The following TTC34 variants were observed in gnomAD, a reference collection of about 807,000 sequenced individuals.
The protein encoded by TTC34 is tetratricopeptide repeat protein 34.
Under a neutral mutation model 40.7 loss-of-function variants are expected in TTC34, and 44 were observed. The observed-to-expected ratio is 1.08, with a 90% CI of 0.85 to 1.39. The LOEUF (loss-of-function observed/expected upper bound fraction) is 1.39. Among genes scored for constraint, TTC34 ranks in the 40% most tolerant of loss-of-function variants. The pLI, the probability that TTC34 is intolerant of heterozygous loss-of-function variation, is 0.00. For missense variants in TTC34, 884 were observed against 838.0 expected (o/e 1.05, Z -0.68); for synonymous variants, 422 against 398.6 (o/e 1.06, Z -0.70).
rs1473962568 is a variant in TTC34 at position 2,749,413 on chromosome 1, C to T, written c.2226+34196G>A. ...GAACAGCACCCTGCACCCCCAGGTG[C>T]GCACGTGACAGCCTGGAACAGCACC... On this transcript the variant is annotated intron_variant, in intron 6 of 8. Transcript: ENST00000401095. Among the ~76,000 whole-genome samples the T allele has an allele frequency of 1.5e-3, 75 of 50,632 alleles. 1 individual carries two copies. Among genetic ancestry groups the T allele is most frequent in the Middle Eastern group, 0.019 (1 of 54 alleles). 33.2% of individuals were successfully genotyped at this position (50,632 alleles called of 152,430 possible).
At chr1:2,641,172 G>A (rs1209419368) in exon 9 of TTC34, 1 of 453,106 alleles carries the variant, frequency 2.2e-6, no homozygotes, top group African/African-American at 2.9e-5. Flanking sequence ...GGGAAGGGGG[G>A]CTGTGGGGAG....
intron 6 of TTC34, among the ~76,000 whole-genome samples, chr1:2,651,336 C>A (rs1223637562): frequency 6.6e-6 from 1 of 152,122 alleles, no homozygotes; most frequent in Non-Finnish European, 1.5e-5. Context: ...CATCTGACAG[C>A]ATTGAATGGC....
chr1:2,776,314 C>G (rs556051165), intron 6 of TTC34: 2 of 128,856 alleles, frequency 1.6e-5, no homozygotes, highest in South Asian at 5.3e-4. Context: ...CAGCATGGAA[C>G]AAGACCACTG....
rs796757141 is a variant in TTC34, at chr1:2,685,131, A to G, written c.2227-39568T>C. On this transcript the variant is annotated intron_variant, in intron 6 of 8. Transcript: ENST00000401095. ...TCAGCACCCACACCCCCAGGCGAGC[A>G]TCGGACGGCCTGGAACAGCACCCAC... 7.8e-5 allele frequency among the ~76,000 whole-genome samples: 9 copies of G among 115,086 alleles called. 1 individual carries two copies. Among genetic ancestry groups the G allele is most frequent in the African/African-American group, 2.6e-4 (8 of 31,112 alleles). 75.5% of individuals were successfully genotyped at this position (115,086 alleles called of 152,430 possible).
intron 6 of TTC34, among the ~76,000 whole-genome samples, chr1:2,649,607 C>T (rs1639086394): frequency 6.6e-6 from 1 of 152,106 alleles, no homozygotes; most frequent in Admixed American, 6.5e-5. Context: ...GTGGTGCGAT[C>T]TTGGCTCACT....
At chr1:2,690,278 C>T (rs75087762) in intron 6 of TTC34, among the ~76,000 whole-genome samples, 2 of 126,522 alleles carry the variant, frequency 1.6e-5, no homozygotes, top group African/African-American at 3.0e-5. Flanking sequence ...GAGCATCCGA[C>T]AGCCTGGAGC....
At chr1:2,677,781 A>C (rs1299026449) in intron 6 of TTC34, among the ~76,000 whole-genome samples, 2 of 71,646 alleles carry the variant, frequency 2.8e-5, no homozygotes, top group Non-Finnish European at 3.1e-5. Flanking sequence ...CCCCCAGGTG[A>C]GCATCTGACC....
chr1:2,646,023 C>A (rs1034355069), intron 6 of TTC34, among the ~76,000 whole-genome samples: 1 of 152,114 alleles, frequency 6.6e-6, no homozygotes, highest in Non-Finnish European at 1.5e-5. Flanking sequence ...TGCCTGTGGT[C>A]TTGGGGACGC....
chr1:2,688,221 A>G (rs1640459184), intron 6 of TTC34, among the ~76,000 whole-genome samples: 1 of 127,532 alleles, frequency 7.8e-6, no homozygotes, highest in Admixed American at 8.0e-5. Context: ...CCAGGGGAGC[A>G]TCCGACAGCC....
At chr1:2,754,902 C>T (rs1412495743) in intron 6 of TTC34, among the ~76,000 whole-genome samples, 1 of 58,028 alleles carries the variant, frequency 1.7e-5, no homozygotes. Context: ...CCCTGCACCC[C>T]CAGGGGAGCA....
chr1:2,785,402 C>T (rs1643569254), intron 5 of TTC34, among the ~76,000 whole-genome samples: 1 of 152,198 alleles, frequency 6.6e-6, no homozygotes, highest in African/African-American at 2.4e-5. Flanking sequence ...AGGCAGCACC[C>T]CCGTGCTGGG....
chr1:2,751,709 C>G (rs1641326366), intron 6 of TTC34, among the ~76,000 whole-genome samples: 1 of 150,774 alleles, frequency 6.6e-6, no homozygotes, highest in Admixed American at 6.6e-5. Flanking sequence ...CATCCGACAG[C>G]CTGGAGCAGC....
At chr1:2,696,002 G>T (rs1640848377) in intron 6 of TTC34, among the ~76,000 whole-genome samples, 1 of 140,970 alleles carries the variant, frequency 7.1e-6, no homozygotes, top group Non-Finnish European at 1.6e-5. Context: ...ACACCCCCAG[G>T]TGAGCATCTG....
exon 9 of TTC34, chr1:2,638,287 A>G (rs1557575207): frequency 6.6e-6 from 1 of 152,146 alleles, no homozygotes; most frequent in Non-Finnish European, 1.5e-5. Flanking sequence ...CCGTGTGGGA[A>G]TGGAGGGTAG....
At chr1:2,694,987 C>G (rs976704866) in intron 6 of TTC34, among the ~76,000 whole-genome samples, 277 of 144,930 alleles carry the variant, frequency 1.9e-3, no homozygotes, top group Middle Eastern at 3.6e-3. Context: ...GAGCAGCACC[C>G]TGCACCCCCA....
chr1:2,798,224 T>C (rs984620593), intron 2 of TTC34, among the ~76,000 whole-genome samples: 46 of 19,006 alleles, frequency 2.4e-3, no homozygotes, highest in East Asian at 7.8e-3. Context: ...CCCCCCAGCC[T>C]CCCAGCCTCC....
At chr1:2,751,013 G>T (rs1380395812) in intron 6 of TTC34, among the ~76,000 whole-genome samples, 4 of 120,466 alleles carry the variant, frequency 3.3e-5, no homozygotes, top group Admixed American at 2.6e-4. Flanking sequence ...ACACCGACAG[G>T]TGAGCATCTG....
intron 6 of TTC34, among the ~76,000 whole-genome samples, chr1:2,687,535 A>G: frequency 6.9e-6 from 1 of 145,630 alleles, no homozygotes; most frequent in Non-Finnish European, 1.5e-5. Flanking sequence ...CCCCCAGGTG[A>G]GCATCTGACA....
In TTC34 at chr1:2,693,901, CCACATG is replaced by C. The variant is rs1640741437; in HGVS notation, c.2227-48344_2227-48339del. 1.4e-4 allele frequency among the ~76,000 whole-genome samples: 17 copies of C among 124,136 alleles called. 1 individual carries two copies. Among genetic ancestry groups the C allele is most frequent in the African/African-American group, 3.6e-4 (11 of 30,948 alleles). 81.4% of individuals were successfully genotyped at this position (124,136 alleles called of 152,430 possible). On this transcript the variant is annotated intron_variant, in intron 6 of 8. Coordinates refer to ENST00000401095, the Ensembl canonical transcript of TTC34. Reference sequence around the variant, plus strand: ...AGCATCTGACAGACTGGAACAGCACCCACATGCCCAGCTGAGCCTGTGACAGCCTCG... The same window carrying C: ...AGCATCTGACAGACTGGAACAGCACCCCCAGCTGAGCCTGTGACAGCCTCG...
Sources: allele counts gnomAD v4.1 joint callset (sites outside exome capture counted in the v4.1 genomes callset), GRCh38; gene constraint gnomAD v4.1.1; transcripts MANE v1.5; gene names NCBI Gene and HGNC (gene_info 2026-07-23, HGNC 2026-07-21).